Variants in SLC6A2 observed in about 807,000 individuals in gnomAD.
SLC6A2 encodes the protein sodium-dependent noradrenaline transporter.
A neutral mutation model predicts 71.7 loss-of-function variants in SLC6A2; 26 were observed. The observed-to-expected ratio is 0.36, with a 90% CI of 0.27 to 0.50. The LOEUF is 0.50. Ranked by LOEUF, SLC6A2 falls within the 20% of genes least tolerant of loss-of-function variation. The pLI is 0.96. For synonymous variants in SLC6A2, 363 were observed against 337.9 expected (o/e 1.07, Z -0.82); for missense variants, 581 against 803.9 (o/e 0.72, Z 3.35).
At chr16:55,660,314 G>A (rs1358353348) in intron 2 of SLC6A2, among the ~76,000 whole-genome samples, 13 of 152,322 alleles carry the variant, frequency 8.5e-5, no homozygotes, top group Admixed American at 3.9e-4. Flanking sequence ...AGGCTAAGGG[G>A]TGGGGATATT....
chr16:55,671,714 C>G, intron 3 of SLC6A2: 1 of 848,996 alleles, frequency 1.2e-6, no homozygotes, highest in Non-Finnish European at 1.8e-6. Context: ...GCCTGATGAC[C>G]TGAGGTGGAA....
intron 5 of SLC6A2, among the ~76,000 whole-genome samples, chr16:55,691,245 G>A (rs1198368729): frequency 9.6e-6 from 1 of 104,212 alleles, no homozygotes; most frequent in Non-Finnish European, 1.9e-5. Flanking sequence ...GAGAGAGAGA[G>A]AGAGAGAGAG....
chr16:55,673,656 C>T (rs1418542301), intron 4 of SLC6A2, among the ~76,000 whole-genome samples: 1 of 152,176 alleles, frequency 6.6e-6, no homozygotes, highest in East Asian at 1.9e-4. Flanking sequence ...CCACTTCCCA[C>T]ATTTAAGTGA....
chr16:55,693,894 G>A, intron 6 of SLC6A2, 116 bp from the exon 7 acceptor site: 2 of 797,284 alleles, frequency 2.5e-6, no homozygotes, highest in Non-Finnish European at 4.6e-6. Context: ...CTCTGGTTCA[G>A]ACCATGTTTC....
In SLC6A2 at chr16:55,696,293, G is replaced by T; in HGVS notation, c.1216G>T (p.Val406Phe). Residue 406 changes from valine (V) to phenylalanine (F), a missense_variant, in exon 9 of 15, where the codon GTT (valine) becomes TTT (phenylalanine). Around this residue, in one of 5 missense-constraint regions of SLC6A2, gnomAD observed 334 missense variants for 449.0 expected, o/e 0.74. Transcript: ENST00000568943. ...STLSGSTFWA[V>F]VFFVMLLALG... ...CCTGTCTGGATCTACATTCTGGGCT[G>T]TTGTGTTTTTCGTCATGCTCCTGGC... 2 of 1,613,848 alleles carry T rather than the reference G, an allele frequency of 1.2e-6. No homozygotes were observed. Among genetic ancestry groups the T allele is most frequent in the Non-Finnish European group, 1.7e-6 (2 of 1,179,886 alleles).
Position 55,705,113 on chromosome 16 carries a change from A to T in SLC6A2, c.*2767A>T, listed in dbSNP as rs1289482169. On this transcript the variant is annotated 3_prime_UTR_variant, in exon 15 of 15. Transcript: ENST00000568943. ...TGATATTTTTTCAGGTTTTTAAAGA[A>T]TTATTATTTTTCATGAAATGTAAAA... 1.0e-6 allele frequency: 1 copy of T among 954,056 alleles called. No homozygotes were observed. Among genetic ancestry groups the T allele is most frequent in the Non-Finnish European group, 1.6e-6 (1 of 619,118 alleles). The allele number at this position is 954,056 out of a possible 1,614,324, so 59.1% of individuals were successfully genotyped here.
chr16:55,682,177 A>G (rs1596985661), intron 4 of SLC6A2, among the ~76,000 whole-genome samples: 1 of 152,142 alleles, frequency 6.6e-6, no homozygotes, highest in Non-Finnish European at 1.5e-5. Flanking sequence ...AAAGTGCTGG[A>G]ATTATAGGCA....
chr16:55,703,437 G>A lies in SLC6A2; in HGVS notation c.*1091G>A. On this transcript the variant is annotated 3_prime_UTR_variant, in exon 15 of 15. Coordinates refer to ENST00000568943, the MANE Select transcript of SLC6A2 (RefSeq NM_001172501.3). ...CTGCAAAAACTCTCATGCACTAGAT[G>A]TGGCACCTTGGAGGGCAGGGTGAGA... 4 of 985,454 alleles carry A rather than the reference G, an allele frequency of 4.1e-6. No homozygotes were observed. Among genetic ancestry groups the A allele is most frequent in the Non-Finnish European group, 4.8e-6 (4 of 829,954 alleles). 61.0% of individuals were successfully genotyped at this position (985,454 alleles called of 1,614,324 possible).
intron 4 of SLC6A2, among the ~76,000 whole-genome samples, chr16:55,674,414 A>ATTTTCTTTTTCT (rs1201314334): frequency 6.7e-6 from 1 of 149,316 alleles, no homozygotes; most frequent in Non-Finnish European, 1.5e-5. Flanking sequence ...TATGTACCAC[A>ATTTTCTTTTTCT]TTTTCTTTTT....
chr16:55,701,997 G>A, intron 14 of SLC6A2, 63 bp downstream of exon 14: 1 of 1,295,022 alleles, frequency 7.7e-7, no homozygotes, highest in South Asian at 1.2e-5. Context: ...GTTCCCTGCT[G>A]TGCACTGCCC....
intron 2 of SLC6A2, among the ~76,000 whole-genome samples, chr16:55,663,605 T>A (rs116869607): frequency 6.6e-6 from 1 of 152,254 alleles, no homozygotes; most frequent in Non-Finnish European, 1.5e-5. Context: ...CCAGCTGAGG[T>A]CTTACCATAG....
intron 3 of SLC6A2, chr16:55,671,638 A>C (rs1340796177): frequency 1.8e-6 from 1 of 561,710 alleles, no homozygotes. Flanking sequence ...TAGGAGCGCA[A>C]CCCCTACTGT....
intron 11 of SLC6A2, 87 bp from the exon 12 acceptor site, chr16:55,699,467 C>T (rs1472350102): frequency 2.9e-6 from 3 of 1,035,862 alleles, no homozygotes; most frequent in Admixed American, 3.4e-5. Flanking sequence ...CTGCCCTGCT[C>T]TCCACCTGGG....
intron 8 of SLC6A2, among the ~76,000 whole-genome samples, 156 bp downstream of exon 8, chr16:55,695,558 A>C (rs1172782049): frequency 6.6e-6 from 1 of 152,182 alleles, no homozygotes; most frequent in Non-Finnish European, 1.5e-5. Flanking sequence ...CTTTGAGGTT[A>C]TTAGTGGGCA....
intron 4 of SLC6A2, among the ~76,000 whole-genome samples, chr16:55,679,138 A>G (rs1241649386): frequency 3.3e-5 from 5 of 152,222 alleles, no homozygotes; most frequent in Admixed American, 1.3e-4. Context: ...GACAATTGAC[A>G]CAATTCAACA....
intron 13 of SLC6A2, among the ~76,000 whole-genome samples, chr16:55,701,270 C>T (rs1270800008): frequency 6.6e-6 from 1 of 152,124 alleles, no homozygotes; most frequent in Non-Finnish European, 1.5e-5. Context: ...CTGTGAAATC[C>T]CTAAGTCTGG....
chr16:55,692,013 C>T lies in SLC6A2; in HGVS notation c.879C>T (p.Ala293=), dbSNP rs202164492. ...TLPGASNGIN[A]YLHIDFYRLK... is the part of the protein sequence containing the mutation. ...CCGGAGCCTCCAATGGCATCAATGC[C>T]TACCTGCACATCGACTTCTACCGCT... The change falls in exon 6 of 15, where the codon GCC becomes GCT. Residue 293 remains alanine (A), a synonymous_variant. Transcript: ENST00000568943. 3.8e-5 allele frequency: 61 copies of T among 1,614,198 alleles called. No homozygotes were observed. The African/African-American group carries it at 8.0e-4, about 21-fold the overall frequency.
rs1310152645 is a variant in SLC6A2, at chr16:55,705,228, C to T, written c.*2882C>T. On this transcript the variant is annotated 3_prime_UTR_variant, in exon 15 of 15. Coordinates refer to ENST00000568943, the MANE Select transcript of SLC6A2 (RefSeq NM_001172501.3). Reference sequence around the variant, plus strand: ...GCTTTCATTCTAGATGAAAACGAGACAAGGGAGAAGGAGAGCTACCAACTC... The same window carrying T: ...GCTTTCATTCTAGATGAAAACGAGATAAGGGAGAAGGAGAGCTACCAACTC... The T allele has an allele frequency of 1.3e-6, 2 of 1,536,114 alleles. No individual in the cohort carries two copies. Among genetic ancestry groups the T allele is most frequent in the Non-Finnish European group, 1.7e-6 (2 of 1,146,600 alleles).
In SLC6A2 at chr16:55,691,959, C is replaced by G. The variant is rs746699464; in HGVS notation, c.825C>G (p.Phe275Leu). 1 of 1,614,016 alleles carries G rather than the reference C, an allele frequency of 6.2e-7. No homozygotes were observed. Among genetic ancestry groups the G allele is most frequent in the Non-Finnish European group, 8.5e-7 (1 of 1,180,018 alleles). The change falls in exon 6 of 15, where the codon TTC becomes TTG. Residue 275 changes from phenylalanine (F) to leucine (L), a missense_variant. Phe to Leu is a conservative substitution (Grantham distance 22, BLOSUM62 0). This residue lies in a region of SLC6A2 where 334 missense variants were observed against 449.0 expected (regional missense o/e 0.74). Transcript: ENST00000568943. ...ITATLPYFVL[F>L]VLLVHGVTLP... ...CCACGCTGCCTTACTTCGTGCTGTT[C>G]GTGCTCCTGGTCCATGGCGTCACGC...
Sources: gnomAD v4.1 joint callset for allele counts (sites outside exome capture counted in the v4.1 genomes callset) on GRCh38, gnomAD v4.1.1 for gene constraint, gnomAD v4.1.1 regional missense constraint, MANE v1.5 for transcripts, NCBI Gene and HGNC (gene_info 2026-07-23, HGNC 2026-07-21) for gene names.